ATP10A: variants seen among roughly 807,000 people sequenced by gnomAD.
ATP10A encodes ATPase phospholipid transporting 10A (putative), also known as phospholipid-transporting ATPase VA.
Under a neutral mutation model 147.8 loss-of-function variants are expected in ATP10A, and 111 were observed. The observed-to-expected ratio is 0.75, with a 90% CI of 0.64 to 0.88. The LOEUF (loss-of-function observed/expected upper bound fraction) is 0.88, where lower values mean the gene tolerates loss of function less well. ATP10A is among the 40% of genes least tolerant of loss of function. ATP10A has a pLI of 0.00. For synonymous variants in ATP10A, 875 were observed against 841.6 expected, an observed-to-expected ratio of 1.04 and a Z score of -0.69; for missense variants, 1,927 against 1,959.0, an observed-to-expected ratio of 0.98 and a Z score of 0.31.
chr15:25,673,360 T>C (rs920522988), downstream of ATP10A, among the ~76,000 whole-genome samples: 5 of 152,242 alleles, frequency 3.3e-5, no homozygotes, highest in Middle Eastern at 3.4e-3. Context: ...TGGGTGTCGG[T>C]CTTATACAAC....
chr15:25,787,431 T>C (rs921015211), intron 1 of ATP10A, among the ~76,000 whole-genome samples: 3 of 151,274 alleles, frequency 2.0e-5, no homozygotes, highest in East Asian at 3.9e-4. Flanking sequence ...CTGGGCAACA[T>C]AGTGAGACCC....
intron 1 of ATP10A, among the ~76,000 whole-genome samples, chr15:25,804,993 A>T (rs1362598046): frequency 6.6e-6 from 1 of 152,208 alleles, no homozygotes; most frequent in Non-Finnish European, 1.5e-5. Flanking sequence ...GCGGGTGTGG[A>T]GGAAAAGGAA....
downstream of ATP10A, among the ~76,000 whole-genome samples, chr15:25,676,238 T>C (rs555659309): frequency 2.0e-5 from 3 of 152,318 alleles, no homozygotes; most frequent in Non-Finnish European, 4.4e-5. Flanking sequence ...ACAGATACGA[T>C]GAGGGCAGGT....
At chr15:25,691,261 A>G (rs1286037759) in intron 15 of ATP10A, among the ~76,000 whole-genome samples, 1 of 152,210 alleles carries the variant, frequency 6.6e-6, no homozygotes, top group Non-Finnish European at 1.5e-5. Context: ...GTGGCAGAGG[A>G]AAGATGCAGA....
At chr15:25,694,039 G>C (rs1900174932) in intron 14 of ATP10A, among the ~76,000 whole-genome samples, 1 of 151,930 alleles carries the variant, frequency 6.6e-6, no homozygotes, top group Admixed American at 6.5e-5. Flanking sequence ...TTGGCATGTG[G>C]GGGTCACGGC....
intron 2 of ATP10A, among the ~76,000 whole-genome samples, chr15:25,755,644 G>T (rs1180526129): frequency 6.6e-6 from 1 of 152,076 alleles, no homozygotes; most frequent in Non-Finnish European, 1.5e-5. Flanking sequence ...AAAACAGTCT[G>T]CCCAACCTCT....
At chr15:25,772,391 T>C (rs545123814) in intron 2 of ATP10A, among the ~76,000 whole-genome samples, 2 of 152,112 alleles carry the variant, frequency 1.3e-5, no homozygotes, top group Non-Finnish European at 2.9e-5. Context: ...CTGCCCACTT[T>C]TAGCTTTAAA....
intron 1 of ATP10A, among the ~76,000 whole-genome samples, chr15:25,787,847 C>T (rs1375020278): frequency 6.6e-6 from 1 of 152,006 alleles, no homozygotes; most frequent in East Asian, 1.9e-4. Context: ...CCTACATCGG[C>T]CTGCATAGAT....
chr15:25,829,644 G>A (rs1339587534), intron 1 of ATP10A, among the ~76,000 whole-genome samples: 3 of 152,136 alleles, frequency 2.0e-5, no homozygotes, highest in African/African-American at 7.2e-5. Context: ...GGCATTTAGG[G>A]AGGATCTCCC....
chr15:25,846,653 A>G (rs895050327), intron 1 of ATP10A, among the ~76,000 whole-genome samples: 1 of 152,212 alleles, frequency 6.6e-6, no homozygotes. Flanking sequence ...CTAGCCTGAC[A>G]TGTGCCGGAC....
intron 1 of ATP10A, among the ~76,000 whole-genome samples, chr15:25,824,738 T>C (rs537226766): frequency 6.6e-6 from 1 of 152,194 alleles, no homozygotes; most frequent in South Asian, 2.1e-4. Context: ...ATTAATCAAA[T>C]ATTAGCAACA....
intron 1 of ATP10A, among the ~76,000 whole-genome samples, chr15:25,845,332 G>GTT (rs1892972194): frequency 1.2e-5 from 1 of 80,468 alleles, no homozygotes; most frequent in East Asian, 5.6e-4. Flanking sequence ...TTGTGTGTGT[G>GTT]TGTGTGTGTG....
At chr15:25,804,250 T>C (rs4566129) in intron 1 of ATP10A, among the ~76,000 whole-genome samples, 71,909 of 150,628 alleles carry the variant, frequency 0.48, 19,290 homozygotes, top group East Asian at 0.8. Flanking sequence ...TGTGTGTCTA[T>C]GTGCATGGTG....
At chr15:25,688,543 C>T (rs1899828403) in intron 15 of ATP10A, among the ~76,000 whole-genome samples, 1 of 152,056 alleles carries the variant, frequency 6.6e-6, no homozygotes, top group Admixed American at 6.6e-5. Flanking sequence ...TACCTTTTGT[C>T]CCCAGAATAA....
intron 2 of ATP10A, among the ~76,000 whole-genome samples, chr15:25,760,167 A>G (rs1337532402): frequency 6.6e-6 from 1 of 152,190 alleles, no homozygotes; most frequent in Non-Finnish European, 1.5e-5. Flanking sequence ...TAACTTTAGG[A>G]CATTCCAGAA....
intron 1 of ATP10A, among the ~76,000 whole-genome samples, chr15:25,810,047 G>A (rs1891361524): frequency 6.6e-6 from 1 of 152,114 alleles, no homozygotes; most frequent in Non-Finnish European, 1.5e-5. Context: ...GTCCATAGTG[G>A]AACCTAGTCT....
In ATP10A at chr15:25,772,420, G is replaced by A. The variant is rs113236204; in HGVS notation, c.654+8599C>T. On this transcript the variant is annotated intron_variant, in intron 2 of 20. Transcript: ENST00000555815. Reference sequence around the variant, plus strand: ...CTTTAAAACAACACTCAAAATCCCCGAGAGGGGTTTCCGTGGCCCACGCAG... The same window carrying A: ...CTTTAAAACAACACTCAAAATCCCCAAGAGGGGTTTCCGTGGCCCACGCAG... 3.2e-3 allele frequency among the ~76,000 whole-genome samples: 482 copies of A among 152,180 alleles called. 4 individuals are homozygous for A. Among genetic ancestry groups the A allele is most frequent in the African/African-American group, 0.011 (447 of 41,520 alleles).
intron 1 of ATP10A, among the ~76,000 whole-genome samples, chr15:25,832,981 CTTTTTT>C (rs202037774): frequency 2.7e-4 from 33 of 124,220 alleles, no homozygotes; most frequent in African/African-American, 7.7e-4. Flanking sequence ...CTATTTTATT[CTTTTTT>C]TTTTTTTTTT....
rs571098357 is a variant in ATP10A at position 25,680,266 on chromosome 15, A to G, written c.3721T>C (p.Phe1241Leu). Residue 1241 changes from phenylalanine to leucine, a missense_variant, in exon 20 of 21, where the codon TTT becomes CTT. Coordinates refer to ENST00000555815, the MANE Select transcript of ATP10A (RefSeq NM_024490.4). ...WITCGFSVLL[F>L]FTVALIYNAS... ...TTGTAAATCAAAGCCACGGTGAAAAACAAAAGGACACTGAAGCCACACGTT... is the reference window on the plus strand; with the variant it reads ...TTGTAAATCAAAGCCACGGTGAAAAGCAAAAGGACACTGAAGCCACACGTT... 12 of 1,614,220 alleles carry G rather than the reference A, an allele frequency of 7.4e-6. 1 individual carries two copies. Among genetic ancestry groups the G allele is most frequent in the South Asian group, 5.5e-5 (5 of 91,088 alleles).
Sources: gnomAD v4.1 joint callset for allele counts (sites outside exome capture counted in the v4.1 genomes callset) on GRCh38, gnomAD v4.1.1 for gene constraint, MANE v1.5 for transcripts, NCBI Gene and HGNC (gene_info 2026-07-23, HGNC 2026-07-21) for gene names.